Variants in ETS1 observed in about 807,000 individuals in gnomAD.
ETS1 encodes ETS proto-oncogene 1, transcription factor.
A neutral mutation model predicts 58.6 loss-of-function variants in ETS1; 15 were observed. That is an observed-to-expected ratio of 0.26 (90% confidence interval 0.17 to 0.39). ETS1 has a LOEUF of 0.39. ETS1 is among the 10% of genes least tolerant of loss of function. The probability of loss-of-function intolerance (pLI) is 1.00; values close to 1 mark genes in which losing one functional copy is unlikely to be tolerated. For missense variants in ETS1, 417 were observed against 610.5 expected, an observed-to-expected ratio of 0.68 and a Z score of 3.34; for synonymous variants, 214 against 218.2, an observed-to-expected ratio of 0.98 and a Z score of 0.17.
intron 3 of ETS1, among the ~76,000 whole-genome samples, chr11:128,516,224 C>A (rs1172642759): frequency 1.3e-5 from 2 of 152,178 alleles, no homozygotes; most frequent in African/African-American, 4.8e-5. Flanking sequence ...AAAAAGATAT[C>A]ATCAACCCGA....
chr11:128,464,858 A>G lies in ETS1; in HGVS notation c.1124-1231T>C, dbSNP rs1435011738. 1.3e-5 allele frequency among the ~76,000 whole-genome samples: 2 copies of G among 152,240 alleles called. No individual in the cohort carries two copies. Among genetic ancestry groups the G allele is most frequent in the Admixed American group, 6.5e-5 (1 of 15,274 alleles). ...TCTCATATTTCTACAAGACATTTTC[A>G]CATGCATCGTTGTGCTTGCTCCTAA... On this transcript the variant is annotated intron_variant, in intron 8 of 9. Transcript: ENST00000392668. The surrounding 1 kb of genome is among the most constrained non-coding windows in gnomAD (Gnocchi z 4.1).
chr11:128,559,502 A>G (rs1372272786), intron 2 of ETS1, among the ~76,000 whole-genome samples: 2 of 152,212 alleles, frequency 1.3e-5, no homozygotes, highest in African/African-American at 4.8e-5. Flanking sequence ...TATTTTATAA[A>G]TGAAACCCTC....
intron 3 of ETS1, among the ~76,000 whole-genome samples, chr11:128,498,239 A>G (rs756557257): frequency 1.3e-5 from 2 of 152,256 alleles, no homozygotes; most frequent in Non-Finnish European, 2.9e-5. Flanking sequence ...AGCATCTTAT[A>G]AAATATAAAG....
At chr11:128,541,854 T>C (rs910079403) in intron 3 of ETS1, among the ~76,000 whole-genome samples, 1 of 152,188 alleles carries the variant, frequency 6.6e-6, no homozygotes, top group African/African-American at 2.4e-5. Flanking sequence ...CAATGATCTC[T>C]ACAATACAGG....
chr11:128,577,067 CT>C (rs1225528253), intron 1 of ETS1, among the ~76,000 whole-genome samples: 17 of 152,280 alleles, frequency 1.1e-4, no homozygotes, highest in Admixed American at 1.0e-3. Context: ...GGCACCATGC[CT>C]TTTTCATTTT....
At chr11:128,566,676 A>G (rs926023234) in intron 2 of ETS1, among the ~76,000 whole-genome samples, 2 of 151,952 alleles carry the variant, frequency 1.3e-5, no homozygotes, top group Non-Finnish European at 2.9e-5. Flanking sequence ...CCAGCTACTC[A>G]GGAGGCTGAG....
chr11:128,547,390 CT>C (rs1864148659), intron 3 of ETS1, among the ~76,000 whole-genome samples: 2 of 152,218 alleles, frequency 1.3e-5, no homozygotes. Flanking sequence ...TTTCCTGAAA[CT>C]CTCCTGGGCA....
chr11:128,521,935 A>G lies in ETS1; in HGVS notation c.215-31359T>C, dbSNP rs762885717. On this transcript the variant is annotated intron_variant, in intron 3 of 9. Coordinates refer to ENST00000392668, the MANE Select transcript of ETS1 (RefSeq NM_001143820.2). ...CACCCGGGGAGGGGAAAAGCTCCAG[A>G]TCGACTTTTTCCGTCTTGATGATGG... 4 of 1,606,432 alleles carry G rather than the reference A, an allele frequency of 2.5e-6. No individual in the cohort carries two copies. The Admixed American group carries it at 6.8e-5, about 27-fold the overall frequency.
At chr11:128,576,679 C>G (rs1211717908) in intron 1 of ETS1, among the ~76,000 whole-genome samples, 1 of 151,764 alleles carries the variant, frequency 6.6e-6, no homozygotes, top group African/African-American at 2.4e-5. Context: ...GCTTGCTGTG[C>G]CCCCCCATGC....
chr11:128,462,554 C>T lies in ETS1; in HGVS notation c.1265G>A (p.Arg422Lys). ...PDEVARRWGK[R>K]KNKPKMNYEK... ...ATAATTCATCTTAGGTTTGTTTTTC[C>T]TCTTTCCCCATCTCCTGGCCACCTG... Residue 422 changes from arginine to lysine, a missense_variant, in exon 10 of 10, where the codon AGG becomes AAG. Around this residue, in one of 4 missense-constraint regions of ETS1, gnomAD observed 56 missense variants for 156.1 expected, o/e 0.36. Transcript: ENST00000392668. 6.2e-7 allele frequency: 1 copy of T among 1,614,062 alleles called. No homozygotes were observed. The highest frequency in any genetic ancestry group is 8.5e-7 in the Non-Finnish European group (1 of 1,179,902).
chr11:128,574,494 T>G (rs1042210857), intron 1 of ETS1, among the ~76,000 whole-genome samples: 21 of 152,160 alleles, frequency 1.4e-4, no homozygotes, highest in African/African-American at 4.6e-4. Context: ...TGAAGATGAA[T>G]GGTAGGAAAA....
chr11:128,489,282 A>G lies in ETS1; in HGVS notation c.535+8T>C, dbSNP rs754784435. On this transcript the variant is annotated splice_region_variant and intron_variant, in intron 5 of 9. Transcript: ENST00000392668. ...AACCTCCACCTCTCTCTGTTTCCAC[A>G]TATTTACCTTTCTGCAGGATCTCTA... 4 of 1,613,250 alleles carry G rather than the reference A, an allele frequency of 2.5e-6. No individual in the cohort carries two copies. The highest frequency in any genetic ancestry group is 3.4e-6 in the Non-Finnish European group (4 of 1,179,262).
rs1864633297 is a variant in ETS1 at position 128,571,520 on chromosome 11, A to G, written c.69+1542T>C. On this transcript the variant is annotated intron_variant, in intron 2 of 9. Coordinates refer to ENST00000392668, the MANE Select transcript of ETS1 (RefSeq NM_001143820.2). Reference sequence around the variant, plus strand: ...CTCCGTCAAAAAAAAAAAAAAAAAAAAAAAAAAAAAAAAAAAAAAAAAACT... The same window carrying G: ...CTCCGTCAAAAAAAAAAAAAAAAAAGAAAAAAAAAAAAAAAAAAAAAAACT... Among the ~76,000 whole-genome samples, 30 of 64,288 alleles carry G rather than the reference A, an allele frequency of 4.7e-4. 5 individuals carry two copies. Among genetic ancestry groups the G allele is most frequent in the African/African-American group, 2.1e-3 (29 of 13,514 alleles). The allele number at this position is 64,288 out of a possible 152,430, so 42.2% of individuals were successfully genotyped here.
intron 5 of ETS1, among the ~76,000 whole-genome samples, chr11:128,488,264 A>C (rs944054034): frequency 3.3e-5 from 5 of 152,208 alleles, no homozygotes; most frequent in Non-Finnish European, 7.3e-5. Context: ...AGACTCACCT[A>C]GTTCTTTCCT....
intron 7 of ETS1, among the ~76,000 whole-genome samples, chr11:128,481,955 G>A (rs567391716): frequency 3.9e-5 from 6 of 152,224 alleles, no homozygotes; most frequent in South Asian, 2.1e-4. Flanking sequence ...GGTGTCATCC[G>A]TTTCATCTCA....
In ETS1 at chr11:128,543,420, C is replaced by T. The variant is rs577521449; in HGVS notation, c.214+12871G>A. Among the ~76,000 whole-genome samples the T allele has an allele frequency of 1.9e-4, 29 of 152,256 alleles. No individual in the cohort carries two copies. In the South Asian group the frequency reaches 6.0e-3, roughly 32 times the overall value. On this transcript the variant is annotated intron_variant, in intron 3 of 9. Transcript: ENST00000392668. ...CACAGGGAAAAATGATCACTCTCTA[C>T]CTGCCCATTCTGACATAGACATTGG...
intron 3 of ETS1, among the ~76,000 whole-genome samples, chr11:128,529,888 A>G (rs550068947): frequency 6.6e-6 from 1 of 152,344 alleles, no homozygotes; most frequent in South Asian, 2.1e-4. Flanking sequence ...CCAACAGAGG[A>G]AGTAAAATGC....
chr11:128,475,641 T>A (rs1414975406), intron 8 of ETS1, among the ~76,000 whole-genome samples: 1 of 135,788 alleles, frequency 7.4e-6, no homozygotes, highest in African/African-American at 2.8e-5. Context: ...AAGCTCCGCC[T>A]CCTGGGTTCA....
At chr11:128,496,467 TATC>T (rs1457700675) in intron 3 of ETS1, among the ~76,000 whole-genome samples, 3 of 152,106 alleles carry the variant, frequency 2.0e-5, no homozygotes, top group Admixed American at 2.0e-4. Flanking sequence ...TGAAAGGTAA[TATC>T]ATTGCCAAAC....
Sources: gnomAD v4.1 joint callset for allele counts (sites outside exome capture counted in the v4.1 genomes callset) on GRCh38, gnomAD v4.1.1 for gene constraint, gnomAD v4.1.1 regional missense constraint, Gnocchi (gnomAD v3.1) non-coding constraint, MANE v1.5 for transcripts, NCBI Gene and HGNC (gene_info 2026-07-23, HGNC 2026-07-21) for gene names.